The following MRTFB variants were observed in gnomAD, a reference collection of about 807,000 sequenced individuals.
The protein encoded by MRTFB is myocardin-related transcription factor B.
Under a neutral mutation model 104.2 loss-of-function variants are expected in MRTFB, and 29 were observed. The observed-to-expected ratio is 0.28, with a 90% CI of 0.21 to 0.38. The LOEUF (loss-of-function observed/expected upper bound fraction) is 0.38. Ranked by LOEUF, MRTFB falls within the 10% of genes least tolerant of loss-of-function variation. The pLI is 1.00. For missense variants in MRTFB, 1,270 were observed against 1,341.6 expected, an observed-to-expected ratio of 0.95 and a Z score of 0.83; for synonymous variants, 535 against 519.5, an observed-to-expected ratio of 1.03 and a Z score of -0.41.
chr16:14,257,163 A>G (rs1030662680), intron 15 of MRTFB, among the ~76,000 whole-genome samples: 1 of 152,256 alleles, frequency 6.6e-6, no homozygotes, highest in Non-Finnish European at 1.5e-5. Flanking sequence ...AAAATGGAAC[A>G]GTCACTTTGG....
the MRTFB span, among the ~76,000 whole-genome samples, chr16:14,044,672 A>G: frequency 3.9e-4 from 59 of 152,332 alleles, no homozygotes; most frequent in African/African-American, 1.3e-3. Context: ...CCATAAGGTC[A>G]TCATTGATCT....
chr16:14,038,827 A>T, the MRTFB span, among the ~76,000 whole-genome samples: 1 of 152,214 alleles, frequency 6.6e-6, no homozygotes, highest in Admixed American at 6.5e-5. Context: ...AAAGAAAAAG[A>T]GGTTTAATGG....
At chr16:14,079,767 A>G (rs1031205436) in intron 2 of MRTFB, among the ~76,000 whole-genome samples, 1 of 152,094 alleles carries the variant, frequency 6.6e-6, no homozygotes, top group South Asian at 2.1e-4. Context: ...TTTTACTATA[A>G]TAATGAAAAA....
At chr16:14,087,598 T>A (rs1273152007) in intron 2 of MRTFB, among the ~76,000 whole-genome samples, 3 of 152,214 alleles carry the variant, frequency 2.0e-5, no homozygotes, top group Non-Finnish European at 4.4e-5. Flanking sequence ...GACGCCTAGT[T>A]CAAGGTGAAG....
At chr16:14,192,077 G>GT (rs2040208594) in intron 3 of MRTFB, among the ~76,000 whole-genome samples, 1 of 152,030 alleles carries the variant, frequency 6.6e-6, no homozygotes, top group African/African-American at 2.4e-5. Flanking sequence ...CTAAATTAAT[G>GT]TTTTTTAAAG....
At chr16:14,195,294 C>G (rs2040383878) in intron 3 of MRTFB, among the ~76,000 whole-genome samples, 1 of 152,174 alleles carries the variant, frequency 6.6e-6, no homozygotes, top group South Asian at 2.1e-4. Context: ...TGGCAATCCT[C>G]TATGCTGTGC....
chr16:14,159,929 C>CAAAAAAAAAAAAAAA (rs552159164), intron 3 of MRTFB, among the ~76,000 whole-genome samples: 28 of 55,610 alleles, frequency 5.0e-4, no homozygotes, highest in Non-Finnish European at 8.4e-4. Context: ...GACTCCGTCT[C>CAAAAAAAAAAAAAAA]AAAAAAAAAA....
the MRTFB span, among the ~76,000 whole-genome samples, chr16:14,008,153 C>G: frequency 5.0e-3 from 762 of 152,096 alleles, 6 homozygotes; most frequent in African/African-American, 0.017. Context: ...ATCACTTGAG[C>G]CTAGGATTTC....
At chr16:14,131,255 A>C (rs931182049) in intron 2 of MRTFB, among the ~76,000 whole-genome samples, 1 of 152,270 alleles carries the variant, frequency 6.6e-6, no homozygotes. Flanking sequence ...ATTCAAACCA[A>C]ATTAGTAAGA....
At chr16:14,254,418 T>G (rs1007181019) in intron 15 of MRTFB, among the ~76,000 whole-genome samples, 1 of 152,188 alleles carries the variant, frequency 6.6e-6, no homozygotes, top group Non-Finnish European at 1.5e-5. Flanking sequence ...TTGTGCTGCT[T>G]TTACTCTGGG....
At chr16:14,037,232 A>G in the MRTFB span, among the ~76,000 whole-genome samples, 1 of 152,172 alleles carries the variant, frequency 6.6e-6, no homozygotes, top group Non-Finnish European at 1.5e-5. Flanking sequence ...GTCACTTTGT[A>G]TGATTGCGTT....
At chr16:14,097,116 T>C (rs1171973975) in intron 2 of MRTFB, among the ~76,000 whole-genome samples, 1 of 152,254 alleles carries the variant, frequency 6.6e-6, no homozygotes, top group Admixed American at 6.5e-5. Context: ...ATTATGACCT[T>C]ATAAATTATT....
At chr16:14,105,926 A>G (rs1000499550) in intron 2 of MRTFB, among the ~76,000 whole-genome samples, 2 of 152,194 alleles carry the variant, frequency 1.3e-5, no homozygotes, top group Non-Finnish European at 2.9e-5. Flanking sequence ...TGCCTTTCCT[A>G]GTATTATAAG....
chr16:14,219,832 TTGAC>T (rs1391276236), intron 8 of MRTFB, among the ~76,000 whole-genome samples: 1 of 152,170 alleles, frequency 6.6e-6, no homozygotes, highest in African/African-American at 2.4e-5. Context: ...GAGAGGGACT[TTGAC>T]TGTTAGCAGA....
intron 3 of MRTFB, chr16:14,149,184 A>G (rs2038486347): frequency 6.6e-6 from 1 of 152,230 alleles, no homozygotes; most frequent in South Asian, 2.1e-4. Flanking sequence ...CAGCTAAAAG[A>G]TAATTTTCAG....
the MRTFB span, among the ~76,000 whole-genome samples, chr16:14,038,887 A>AAAAGG: frequency 1.1e-3 from 174 of 152,326 alleles, 3 homozygotes; most frequent in East Asian, 0.025. Flanking sequence ...GGCAGAAGGC[A>AAAAGG]AAAGGCACAT....
chr16:14,178,665 G>C (rs1435690698), intron 3 of MRTFB, among the ~76,000 whole-genome samples: 1 of 152,190 alleles, frequency 6.6e-6, no homozygotes, highest in African/African-American at 2.4e-5. Flanking sequence ...TCACAAACTT[G>C]AGTAATATAC....
intron 15 of MRTFB, among the ~76,000 whole-genome samples, chr16:14,255,874 G>A (rs909202398): frequency 6.6e-6 from 1 of 151,978 alleles, no homozygotes; most frequent in East Asian, 1.9e-4. Flanking sequence ...AACACCTTGG[G>A]AGGCGAAGTG....
intron 3 of MRTFB, chr16:14,200,032 G>A (rs1282114716): frequency 4.9e-6 from 2 of 407,846 alleles, no homozygotes; most frequent in Non-Finnish European, 8.7e-6. Context: ...AAAATAAAAA[G>A]GTACTATCTT....
Sources: allele counts gnomAD v4.1 joint callset (sites outside exome capture counted in the v4.1 genomes callset), GRCh38; gene constraint gnomAD v4.1.1; transcripts MANE v1.5; gene names NCBI Gene and HGNC (gene_info 2026-07-23, HGNC 2026-07-21).